The following NKAIN2 variants were observed in gnomAD, a reference collection of about 807,000 sequenced individuals.
The protein encoded by NKAIN2 is sodium/potassium transporting ATPase interacting 2, also known as sodium/potassium-transporting ATPase subunit beta-1-interacting protein 2.
In NKAIN2, 14 loss-of-function variants were observed where a neutral mutation model predicts 32.6. The observed-to-expected ratio is 0.43, with a 90% confidence interval of 0.28 to 0.67. The LOEUF (loss-of-function observed/expected upper bound fraction) is 0.67, where lower values mean the gene tolerates loss of function less well. NKAIN2 is among the 30% of genes least tolerant of loss of function. The pLI, the probability that NKAIN2 is intolerant of heterozygous loss-of-function variation, is 0.17. For missense variants in NKAIN2, 198 were observed against 258.3 expected (o/e 0.77, Z 1.60); for synonymous variants, 80 against 87.2 (o/e 0.92, Z 0.46).
At chr6:124,496,823 AG>A (rs1778080331) in intron 3 of NKAIN2, among the ~76,000 whole-genome samples, 1 of 152,186 alleles carries the variant, frequency 6.6e-6, no homozygotes, top group East Asian at 1.9e-4. Context: ...TTGAAAAGAT[AG>A]GGTTTAGACT....
At chr6:124,059,583 C>G (rs1782828686) in intron 1 of NKAIN2, among the ~76,000 whole-genome samples, 1 of 152,126 alleles carries the variant, frequency 6.6e-6, no homozygotes. Flanking sequence ...TACTACAGTT[C>G]CTGGCACAGA....
chr6:124,289,614 T>G (rs1182820338), intron 2 of NKAIN2, among the ~76,000 whole-genome samples: 1 of 152,166 alleles, frequency 6.6e-6, no homozygotes, highest in Non-Finnish European at 1.5e-5. Flanking sequence ...TTTCTAGAAT[T>G]TACTATTTGC....
At chr6:123,863,637 A>G (rs1316288482) in intron 1 of NKAIN2, among the ~76,000 whole-genome samples, 1 of 152,172 alleles carries the variant, frequency 6.6e-6, no homozygotes, top group Admixed American at 6.5e-5. Context: ...GCCTGTGGGC[A>G]CCATTGGGAG....
chr6:124,066,894 GT>G, intron 1 of NKAIN2, among the ~76,000 whole-genome samples: 1 of 133,700 alleles, frequency 7.5e-6, no homozygotes, highest in Admixed American at 7.2e-5. Flanking sequence ...GTGTGTGTGT[GT>G]GTGTTAAAAG....
intron 3 of NKAIN2, among the ~76,000 whole-genome samples, chr6:124,448,520 CAGAG>C (rs1481688751): frequency 3.3e-5 from 5 of 152,162 alleles, no homozygotes; most frequent in Non-Finnish European, 7.4e-5. Flanking sequence ...GACTGGCTAA[CAGAG>C]AGACACTGCT....
chr6:124,379,076 A>C (rs944564309), intron 3 of NKAIN2, among the ~76,000 whole-genome samples: 2 of 141,584 alleles, frequency 1.4e-5, no homozygotes, highest in African/African-American at 5.3e-5. Flanking sequence ...TGGACAACAG[A>C]GCGAAACCTT....
At chr6:123,973,384 A>G (rs143085037) in intron 1 of NKAIN2, among the ~76,000 whole-genome samples, 49 of 152,244 alleles carry the variant, frequency 3.2e-4, no homozygotes, top group Middle Eastern at 3.4e-3. Flanking sequence ...ATGGGGAAAG[A>G]TAACAGGAGA....
At chr6:124,342,713 T>C (rs935506837) in intron 2 of NKAIN2, among the ~76,000 whole-genome samples, 1 of 151,724 alleles carries the variant, frequency 6.6e-6, no homozygotes, top group South Asian at 2.1e-4. Context: ...TTCATCCTAT[T>C]CTAGGCTGGT....
intron 1 of NKAIN2, among the ~76,000 whole-genome samples, chr6:124,224,520 C>A (rs1285967569): frequency 1.3e-5 from 2 of 151,968 alleles, no homozygotes; most frequent in Non-Finnish European, 1.5e-5. Context: ...CCAGAAATAG[C>A]CTAGATACAT....
chr6:124,685,858 G>T (rs943583024), intron 4 of NKAIN2, among the ~76,000 whole-genome samples: 18 of 152,160 alleles, frequency 1.2e-4, no homozygotes, highest in African/African-American at 4.1e-4. Flanking sequence ...GAGTAACTTA[G>T]CAGCTTAAAA....
At position 124,751,812 on chromosome 6, in the gene NKAIN2, C is replaced by CAATAAATAAATAAATA. The variant is rs10665653; in HGVS notation, c.475-39502_475-39487dup. Among the ~76,000 whole-genome samples, 242 of 134,120 alleles carry CAATAAATAAATAAATA rather than the reference C, an allele frequency of 1.8e-3. 1 individual carries two copies. The highest frequency in any genetic ancestry group is 4.9e-3 in the African/African-American group (177 of 35,832). 88.0% of individuals were successfully genotyped at this position (134,120 alleles called of 152,430 possible). The stretch of plus-strand genomic sequence containing the variant: ...TGGGTAACATAGTGAGACCCCATCT[C>CAATAAATAAATAAATA]AATAAATAAATAAATAAATAAATAA... On this transcript the variant is annotated intron_variant, in intron 4 of 6. Coordinates refer to ENST00000368417, the MANE Select transcript of NKAIN2 (RefSeq NM_001040214.3).
chr6:123,910,719 T>A (rs991506290), intron 1 of NKAIN2, among the ~76,000 whole-genome samples: 24 of 151,932 alleles, frequency 1.6e-4, no homozygotes, highest in African/African-American at 5.6e-4. Context: ...TTGGCCAGGA[T>A]GGTCTCGATC....
intron 1 of NKAIN2, among the ~76,000 whole-genome samples, chr6:124,068,003 G>A (rs1783272685): frequency 6.6e-6 from 1 of 152,128 alleles, no homozygotes; most frequent in Non-Finnish European, 1.5e-5. Context: ...ACTAACTCAT[G>A]TAATCCATAA....
intron 3 of NKAIN2, among the ~76,000 whole-genome samples, chr6:124,473,634 T>C (rs1283107055): frequency 6.6e-6 from 1 of 152,186 alleles, no homozygotes; most frequent in Non-Finnish European, 1.5e-5. Flanking sequence ...TACAAAATGC[T>C]GTTGAAAATG....
intron 1 of NKAIN2, among the ~76,000 whole-genome samples, chr6:124,181,672 A>C (rs2114545512): frequency 6.6e-6 from 1 of 152,300 alleles, no homozygotes; most frequent in South Asian, 2.1e-4. Flanking sequence ...TCTCTAGGAC[A>C]TGGGCAAAAT....
intron 1 of NKAIN2, among the ~76,000 whole-genome samples, chr6:123,852,809 C>A (rs936351900): frequency 6.6e-6 from 1 of 152,122 alleles, no homozygotes; most frequent in African/African-American, 2.4e-5. Flanking sequence ...TTATCCCTTC[C>A]TGAACTTTAC....
At chr6:124,317,162 C>T (rs1443051445) in intron 2 of NKAIN2, among the ~76,000 whole-genome samples, 1 of 152,082 alleles carries the variant, frequency 6.6e-6, no homozygotes, top group Non-Finnish European at 1.5e-5. Context: ...TACTGCTGGG[C>T]TCTTGAGATG....
At chr6:124,101,279 CT>C (rs1562358279) in intron 1 of NKAIN2, among the ~76,000 whole-genome samples, 4 of 152,120 alleles carry the variant, frequency 2.6e-5, no homozygotes, top group African/African-American at 9.7e-5. Flanking sequence ...TTGTTAATCT[CT>C]GAAAATCTGC....
chr6:124,025,324 A>T (rs762946922), intron 1 of NKAIN2, among the ~76,000 whole-genome samples: 1 of 152,150 alleles, frequency 6.6e-6, no homozygotes, highest in Non-Finnish European at 1.5e-5. Flanking sequence ...AGGAGATCGG[A>T]TGCATGATAC....
Sources: gnomAD v4.1 joint callset for allele counts (sites outside exome capture counted in the v4.1 genomes callset) on GRCh38, gnomAD v4.1.1 for gene constraint, MANE v1.5 for transcripts, NCBI Gene and HGNC (gene_info 2026-07-23, HGNC 2026-07-21) for gene names.